The following RHCG variants were observed in gnomAD, a reference collection of about 807,000 sequenced individuals.
The protein encoded by RHCG is Rh family C glycoprotein, also known as ammonium transporter Rh type C.
RHCG carries 39 observed loss-of-function variants against 55.3 expected under a neutral mutation model. That is an observed-to-expected ratio of 0.70 (90% CI 0.55 to 0.92). The LOEUF is 0.92. Among genes scored for constraint, RHCG ranks in the 40% least tolerant of loss-of-function variants. RHCG has a pLI of 0.00. For synonymous variants in RHCG, 250 were observed against 246.8 expected (o/e 1.01, Z -0.12); for missense variants, 635 against 627.9 (o/e 1.01, Z -0.12).
At chr15:89,480,858 G>A (rs190670329) in intron 3 of RHCG, among the ~76,000 whole-genome samples, 1 of 152,344 alleles carries the variant, frequency 6.6e-6, no homozygotes, top group Admixed American at 6.5e-5. Flanking sequence ...GCGAGGGCCT[G>A]GCACTTAACA....
chr15:89,475,165 C>G (rs1164839959), intron 9 of RHCG, among the ~76,000 whole-genome samples: 1 of 150,382 alleles, frequency 6.6e-6, no homozygotes, highest in African/African-American at 2.4e-5. Context: ...TTCCTTCCTG[C>G]CTGCCTGCCT....
At chr15:89,476,006 G>GCTCTCTCTCTCTCT in intron 9 of RHCG, among the ~76,000 whole-genome samples, 1 of 137,928 alleles carries the variant, frequency 7.3e-6, no homozygotes, top group African/African-American at 3.4e-5. Context: ...TCTCTCTCTT[G>GCTCTCTCTCTCTCT]CTCTCGCTCT....
chr15:89,484,096 C>G (rs1366198456), intron 2 of RHCG, among the ~76,000 whole-genome samples: 1 of 148,896 alleles, frequency 6.7e-6, no homozygotes, highest in South Asian at 2.1e-4. Flanking sequence ...GGTGGGGGGT[C>G]TGTCACATCT....
intron 3 of RHCG, among the ~76,000 whole-genome samples, chr15:89,482,595 G>C (rs1391691052): frequency 1.3e-5 from 2 of 152,142 alleles, no homozygotes; most frequent in African/African-American, 4.8e-5. Flanking sequence ...TGACCTCCCC[G>C]AGGGAGCAGC....
chr15:89,474,908 G>GCCTT (rs1961110181), intron 9 of RHCG, among the ~76,000 whole-genome samples: 1 of 106,774 alleles, frequency 9.4e-6, no homozygotes, highest in Admixed American at 9.3e-5. Context: ...CTTCCTGCCT[G>GCCTT]CCTTCCTTCC....
chr15:89,490,648 T>C (rs983802266), intron 1 of RHCG, among the ~76,000 whole-genome samples: 1 of 151,994 alleles, frequency 6.6e-6, no homozygotes, highest in Non-Finnish European at 1.5e-5. Flanking sequence ...AGATGACAAT[T>C]CCAGAAGCGG....
intron 9 of RHCG, among the ~76,000 whole-genome samples, chr15:89,474,706 C>T (rs935283789): frequency 1.3e-5 from 2 of 152,198 alleles, no homozygotes; most frequent in East Asian, 3.8e-4. Context: ...CAGTTGCCTG[C>T]CTGCTGCCTT....
chr15:89,479,265 T>C lies in RHCG; in HGVS notation c.837+57A>G, dbSNP rs1176441649. ...CAGAGGTGTTGGCAAGGCATGGTGA[T>C]CAGCGCCCTCCAGGCCCAGGCAGTC... is the stretch of plus-strand genomic sequence containing the variant. On this transcript the variant is annotated intron_variant, in intron 5 of 10. Coordinates refer to ENST00000268122, the MANE Select transcript of RHCG (RefSeq NM_016321.3). 10 of 1,558,262 alleles carry C rather than the reference T, an allele frequency of 6.4e-6. 1 individual carries two copies. In the Admixed American group the frequency reaches 1.7e-4, roughly 27 times the overall value.
intron 2 of RHCG, among the ~76,000 whole-genome samples, chr15:89,483,661 C>T (rs1291493497): frequency 6.6e-6 from 1 of 152,120 alleles, no homozygotes; most frequent in South Asian, 2.1e-4. Flanking sequence ...ATCCTTATCT[C>T]TCACTCTGCA....
At chr15:89,474,840 TCCTTCCTG>T (rs1961106494) in intron 9 of RHCG, among the ~76,000 whole-genome samples, 1 of 104,498 alleles carries the variant, frequency 9.6e-6, no homozygotes, top group Admixed American at 9.5e-5. Flanking sequence ...CTGCCTGCCT[TCCTTCCTG>T]CCTGCCTGCC....
At chr15:89,473,733 T>C (rs1961082360) in intron 9 of RHCG, among the ~76,000 whole-genome samples, 1 of 152,238 alleles carries the variant, frequency 6.6e-6, no homozygotes, top group Admixed American at 6.5e-5. Flanking sequence ...TAGGCTTTTA[T>C]GCAAATACTA....
Position 89,472,770 on chromosome 15 carries a change from G to T in RHCG, c.1405C>A (p.Leu469Ile). The T allele has an allele frequency of 6.3e-7, 1 of 1,588,752 alleles. No individual in the cohort carries two copies. Among genetic ancestry groups the T allele is most frequent in the Non-Finnish European group, 8.6e-7 (1 of 1,167,370 alleles). ...SVPSVPMVSPLPMASSVPLVP is the reference protein window; with the variant it reads ...SVPSVPMVSPIPMASSVPLVP The stretch of plus-strand genomic sequence containing the variant: ...AAGGGTACCGAGGAAGCCATGGGTA[G>T]TGGGGACACCATGGGTACTGAGGGT... The change falls in exon 10 of 11, where the codon CTA becomes ATA. Residue 469 changes from leucine to isoleucine, a missense_variant. Physicochemically the swap from Leu to Ile is conservative, Grantham distance 5. Coordinates refer to ENST00000268122, the MANE Select transcript of RHCG (RefSeq NM_016321.3).
intron 1 of RHCG, 132 bp from the exon 2 acceptor site, chr15:89,487,117 T>G: frequency 1.2e-6 from 1 of 807,206 alleles, no homozygotes; most frequent in Non-Finnish European, 1.8e-6. Context: ...TCCACCATCC[T>G]AACCCGGTTC....
At chr15:89,474,868 G>GA (rs1961108051) in intron 9 of RHCG, among the ~76,000 whole-genome samples, 1 of 72,870 alleles carries the variant, frequency 1.4e-5, no homozygotes, top group African/African-American at 8.3e-5. Context: ...CTTCCTTCCT[G>GA]CCTGCCTTCC....
At chr15:89,489,295 T>C (rs1374274680) in intron 1 of RHCG, among the ~76,000 whole-genome samples, 1 of 152,012 alleles carries the variant, frequency 6.6e-6, no homozygotes, top group African/African-American at 2.4e-5. Flanking sequence ...TTTTTTTTTT[T>C]TAACTTTTAG....
chr15:89,472,782 T>C lies in RHCG; in HGVS notation c.1393A>G (p.Met465Val), dbSNP rs1567223294. ...PSGPSVPSVPMVSPLPMASSV... is the reference protein window; with the variant it reads ...PSGPSVPSVPVVSPLPMASSV... Reference sequence around the variant, plus strand: ...GAAGCCATGGGTAGTGGGGACACCATGGGTACTGAGGGTACTGAGGGTCCT... The same window carrying C: ...GAAGCCATGGGTAGTGGGGACACCACGGGTACTGAGGGTACTGAGGGTCCT... Residue 465 changes from methionine (M) to valine (V), a missense_variant, in exon 10 of 11, where the codon ATG (methionine) becomes GTG (valine). Coordinates refer to ENST00000268122, the MANE Select transcript of RHCG (RefSeq NM_016321.3). 2 of 1,577,926 alleles carry C rather than the reference T, an allele frequency of 1.3e-6. No homozygotes were observed. The highest frequency in any genetic ancestry group is 1.2e-5 in the South Asian group (1 of 86,328).
In RHCG at chr15:89,477,753, C is replaced by T. The variant is rs539263906; in HGVS notation, c.975+84G>A. On this transcript the variant is annotated intron_variant, in intron 6 of 10. Coordinates refer to ENST00000268122, the MANE Select transcript of RHCG (RefSeq NM_016321.3). This position sits in a 1 kb window ranked among gnomAD's most constrained non-coding sequence, Gnocchi z 4.5. ...CCAGGATTCTCTAGCCCTCAGCCCC[C>T]TCCCTAGGAACCCTCAGCTCACTGT... 7.4e-5 allele frequency: 118 copies of T among 1,603,344 alleles called. 1 individual carries two copies. The South Asian group carries it at 1.2e-3, about 16-fold the overall frequency.
At chr15:89,484,054 G>A (rs1437343059) in intron 2 of RHCG, among the ~76,000 whole-genome samples, 6 of 149,236 alleles carry the variant, frequency 4.0e-5, no homozygotes, top group Admixed American at 3.3e-4. Flanking sequence ...CCTCAGTGTG[G>A]CTCTTAGGCC....
chr15:89,486,587 A>AGTGT (rs1567227751), intron 2 of RHCG: 2 of 496,422 alleles, frequency 4.0e-6, no homozygotes, highest in East Asian at 4.9e-5. Flanking sequence ...AGAGAGAGAG[A>AGTGT]GAGAGAGAGA....
Sources: gnomAD v4.1 joint callset for allele counts (sites outside exome capture counted in the v4.1 genomes callset) on GRCh38, gnomAD v4.1.1 for gene constraint, Gnocchi (gnomAD v3.1) non-coding constraint, MANE v1.5 for transcripts, NCBI Gene and HGNC (gene_info 2026-07-23, HGNC 2026-07-21) for gene names.